The following ZNF385D variants were observed in gnomAD, a reference collection of about 807,000 sequenced individuals.
ZNF385D encodes the protein zinc finger protein 659.
In ZNF385D, 15 loss-of-function variants were observed where a neutral mutation model predicts 35.8. That is an observed-to-expected ratio of 0.42 (90% confidence interval 0.28 to 0.64). ZNF385D has a LOEUF of 0.64. Among genes scored for constraint, ZNF385D ranks in the 30% least tolerant of loss-of-function variants. ZNF385D has a pLI of 0.23. For missense variants in ZNF385D, 474 were observed against 494.6 expected (o/e 0.96, Z 0.39); for synonymous variants, 212 against 186.8 (o/e 1.13, Z -1.10).
chr3:21,694,042 C>CTTTCTTTTTTTTTTTTTT (rs2067380157), intron 1 of ZNF385D, among the ~76,000 whole-genome samples: 1 of 22,178 alleles, frequency 4.5e-5, no homozygotes, highest in Admixed American at 5.0e-4. Context: ...CTACGCCTGG[C>CTTTCTTTTTTTTTTTTTT]TTTTTTTTTT....
chr3:22,107,864 T>A (rs1231920975), intron 3 of ZNF385D, among the ~76,000 whole-genome samples: 1 of 151,950 alleles, frequency 6.6e-6, no homozygotes, highest in Non-Finnish European at 1.5e-5. Context: ...GCTTCAAAAT[T>A]CAGGTGTTGT....
chr3:21,997,504 TA>T (rs567180603), intron 3 of ZNF385D, among the ~76,000 whole-genome samples: 227 of 148,514 alleles, frequency 1.5e-3, no homozygotes, highest in African/African-American at 5.4e-3. Context: ...ATAATAATAA[TA>T]AAAAAATGTG....
intron 3 of ZNF385D, among the ~76,000 whole-genome samples, chr3:21,797,061 A>G (rs2072185999): frequency 6.6e-6 from 1 of 152,226 alleles, no homozygotes; most frequent in South Asian, 2.1e-4. Context: ...CAAGAGAAAA[A>G]TAAGTCAAGA....
At chr3:21,896,376 T>C (rs1356434823) in intron 3 of ZNF385D, among the ~76,000 whole-genome samples, 1 of 152,010 alleles carries the variant, frequency 6.6e-6, no homozygotes, top group Non-Finnish European at 1.5e-5. Context: ...TTCCTAAAGG[T>C]AAATGAAAAA....
At chr3:22,043,328 G>C (rs1366179440) in intron 3 of ZNF385D, among the ~76,000 whole-genome samples, 2 of 152,120 alleles carry the variant, frequency 1.3e-5, no homozygotes, top group Non-Finnish European at 2.9e-5. Context: ...GTTTCTTACA[G>C]TTTAGGTCTG....
intron 2 of ZNF385D, among the ~76,000 whole-genome samples, chr3:22,279,421 C>G (rs1473375367): frequency 6.6e-6 from 1 of 151,312 alleles, no homozygotes; most frequent in African/African-American, 2.4e-5. Context: ...TTCCAGGTTA[C>G]TGCAAATGCT....
intron 3 of ZNF385D, among the ~76,000 whole-genome samples, chr3:22,069,491 A>G (rs1027446847): frequency 6.6e-6 from 1 of 152,248 alleles, no homozygotes; most frequent in African/African-American, 2.4e-5. Flanking sequence ...TAAAGGTAAC[A>G]TAAACAATAA....
chr3:22,008,828 G>A (rs1008802295), intron 3 of ZNF385D, among the ~76,000 whole-genome samples: 2 of 152,092 alleles, frequency 1.3e-5, no homozygotes, highest in Non-Finnish European at 2.9e-5. Context: ...CAAGACAAAT[G>A]GTAATTAGCT....
At chr3:21,910,876 T>A (rs552152599) in intron 3 of ZNF385D, among the ~76,000 whole-genome samples, 1 of 152,012 alleles carries the variant, frequency 6.6e-6, no homozygotes, top group South Asian at 2.1e-4. Context: ...AGATTAAATT[T>A]AGTTTTTGAA....
At chr3:21,783,638 T>A (rs1391274790) in intron 3 of ZNF385D, among the ~76,000 whole-genome samples, 1 of 152,060 alleles carries the variant, frequency 6.6e-6, no homozygotes, top group Non-Finnish European at 1.5e-5. Context: ...AACCAGCAAT[T>A]TCTCCGTCCT....
chr3:22,356,074 GTA>G (rs1159556922), intron 2 of ZNF385D, among the ~76,000 whole-genome samples: 1 of 151,912 alleles, frequency 6.6e-6, no homozygotes, highest in African/African-American at 2.4e-5. Context: ...ATTTGTGTAG[GTA>G]TATGAGTCTA....
At position 21,898,512 on chromosome 3, in the gene ZNF385D, T is replaced by C. The variant is rs1461709164; in HGVS notation, c.326-233484A>G. Reference sequence around the variant, plus strand: ...TATTGTTTCATATTATTTATACTTCTAGTCTGCTTCATTTCAGTTACTGGA... The same window carrying C: ...TATTGTTTCATATTATTTATACTTCCAGTCTGCTTCATTTCAGTTACTGGA... On this transcript the variant is annotated intron_variant, in intron 3 of 5. Coordinates refer to the ZNF385D transcript ENST00000494108. 2.0e-4 allele frequency among the ~76,000 whole-genome samples: 30 copies of C among 152,194 alleles called. 1 individual carries two copies. The highest frequency in any genetic ancestry group is 2.0e-3 in the Admixed American group (30 of 15,260).
At chr3:21,967,310 C>A (rs1367924803) in intron 3 of ZNF385D, among the ~76,000 whole-genome samples, 1 of 152,076 alleles carries the variant, frequency 6.6e-6, no homozygotes, top group Non-Finnish European at 1.5e-5. Context: ...CCAAAATTTA[C>A]TGTCTTATAT....
chr3:21,850,208 A>C (rs1298767470), intron 3 of ZNF385D, among the ~76,000 whole-genome samples: 1 of 152,150 alleles, frequency 6.6e-6, no homozygotes, highest in Non-Finnish European at 1.5e-5. Context: ...ACATGATGGA[A>C]AAACTTGTTC....
At chr3:21,548,371 C>T (rs2062452816) in intron 3 of ZNF385D, among the ~76,000 whole-genome samples, 1 of 152,122 alleles carries the variant, frequency 6.6e-6, no homozygotes, top group African/African-American at 2.4e-5. Context: ...ATTTTTAGAG[C>T]CTTCCTAGCA....
chr3:21,956,495 A>G (rs1024073511), intron 3 of ZNF385D, among the ~76,000 whole-genome samples: 3 of 152,036 alleles, frequency 2.0e-5, no homozygotes, highest in Non-Finnish European at 1.5e-5. Context: ...TAAAAGGGAG[A>G]CAACTAAGAG....
chr3:21,660,703 G>A (rs980312026), intron 2 of ZNF385D, among the ~76,000 whole-genome samples: 5 of 152,158 alleles, frequency 3.3e-5, no homozygotes, highest in Admixed American at 6.6e-5. Context: ...CCCAAAGTCT[G>A]GCCCAAGCCA....
intron 3 of ZNF385D, among the ~76,000 whole-genome samples, chr3:22,148,875 T>G (rs896338859): frequency 1.3e-5 from 2 of 152,174 alleles, no homozygotes; most frequent in African/African-American, 4.8e-5. Context: ...AGACGAAACC[T>G]ACATACAACT....
At chr3:22,255,479 G>A (rs572285984) in intron 2 of ZNF385D, among the ~76,000 whole-genome samples, 1 of 151,832 alleles carries the variant, frequency 6.6e-6, no homozygotes, top group East Asian at 1.9e-4. Context: ...AAATCTTACT[G>A]GATATATCTC....
Sources: gnomAD v4.1 joint callset for allele counts (sites outside exome capture counted in the v4.1 genomes callset) on GRCh38, gnomAD v4.1.1 for gene constraint, MANE v1.5 for transcripts, NCBI Gene and HGNC (gene_info 2026-07-23, HGNC 2026-07-21) for gene names.